Variants in KDM4C observed in about 807,000 individuals in gnomAD.
KDM4C encodes lysine demethylase 4C.
KDM4C carries 81 observed loss-of-function variants against 129.3 expected under a neutral mutation model. That is an observed-to-expected ratio of 0.63 (90% CI 0.52 to 0.75). The LOEUF (loss-of-function observed/expected upper bound fraction) is 0.75, where lower values mean the gene tolerates loss of function less well. Among genes scored for constraint, KDM4C ranks in the 30% least tolerant of loss-of-function variants. KDM4C has a pLI of 0.00. For missense variants in KDM4C, 1,457 were observed against 1,304.0 expected, an observed-to-expected ratio of 1.12 and a Z score of -1.81; for synonymous variants, 573 against 456.1, an observed-to-expected ratio of 1.26 and a Z score of -3.26.
intron 1 of KDM4C, among the ~76,000 whole-genome samples, chr9:6,752,368 A>G (rs1251412421): frequency 4.4e-4 from 59 of 135,596 alleles, no homozygotes; most frequent in African/African-American, 1.5e-3. Context: ...AAAATTAAGG[A>G]GGAACAGGTA....
intron 6 of KDM4C, among the ~76,000 whole-genome samples, chr9:6,882,772 T>TTGTGTGTGTGTGTGTG (rs3072026): frequency 2.0e-5 from 3 of 149,642 alleles, no homozygotes; most frequent in Non-Finnish European, 3.0e-5. Flanking sequence ...TTTTAAGCAT[T>TTGTGTGTGTGTGTGTG]TGTGTGTGTG....
chr9:6,930,714 CTAT>C (rs61227648), intron 8 of KDM4C, among the ~76,000 whole-genome samples: 37,927 of 147,412 alleles, frequency 0.26, 5,267 homozygotes, highest in South Asian at 0.39. Flanking sequence ...TATGATTATA[CTAT>C]TATTATAATA....
chr9:7,092,699 C>G (rs1675301430), intron 17 of KDM4C, among the ~76,000 whole-genome samples: 1 of 152,238 alleles, frequency 6.6e-6, no homozygotes, highest in South Asian at 2.1e-4. Flanking sequence ...CCAGGATGGA[C>G]TGGGTAATCT....
intron 4 of KDM4C, chr9:6,834,967 C>A: frequency 1.0e-6 from 1 of 1,001,274 alleles, no homozygotes. Flanking sequence ...GATATGCCCT[C>A]CCCCACACCA....
chr9:7,048,419 G>C (rs1284168765), intron 16 of KDM4C, among the ~76,000 whole-genome samples: 1 of 151,978 alleles, frequency 6.6e-6, no homozygotes, highest in Non-Finnish European at 1.5e-5. Context: ...CAAACCTCAT[G>C]ATTCTTTATA....
chr9:6,792,340 C>CA (rs905175987), intron 1 of KDM4C, among the ~76,000 whole-genome samples: 17 of 149,774 alleles, frequency 1.1e-4, no homozygotes, highest in South Asian at 2.1e-4. Flanking sequence ...GAGACTGTCT[C>CA]AAAAAAAAAA....
intron 1 of KDM4C, among the ~76,000 whole-genome samples, chr9:6,773,970 C>G (rs1290672661): frequency 6.6e-6 from 1 of 151,948 alleles, no homozygotes; most frequent in Admixed American, 6.6e-5. Context: ...TCACTGCAAA[C>G]TCCGCCTCCC....
At chr9:6,778,725 C>G (rs1823641152) in intron 1 of KDM4C, among the ~76,000 whole-genome samples, 1 of 151,834 alleles carries the variant, frequency 6.6e-6, no homozygotes, top group African/African-American at 2.4e-5. Flanking sequence ...TGGGATCATG[C>G]CACTACACTC....
In KDM4C at chr9:6,758,316, G is replaced by A; in HGVS notation, c.-18+113G>A. 1 of 580,308 alleles carries A rather than the reference G, an allele frequency of 1.7e-6. No homozygotes were observed. The highest frequency in any genetic ancestry group is 2.2e-6 in the Non-Finnish European group (1 of 459,756). 35.9% of individuals were successfully genotyped at this position (580,308 alleles called of 1,614,324 possible). ...GGGGGTGCGGGCGTCCGGGCGAGCG[G>A]CGACGCTGGGGCAGAGACGCTCCGT... On this transcript the variant is annotated intron_variant, in intron 1 of 21. Coordinates refer to ENST00000381309, the MANE Select transcript of KDM4C (RefSeq NM_015061.6). This position sits in a 1 kb window ranked among gnomAD's most constrained non-coding sequence, Gnocchi z 4.6.
At chr9:6,896,304 T>C (rs1397651358) in intron 8 of KDM4C, among the ~76,000 whole-genome samples, 1 of 152,202 alleles carries the variant, frequency 6.6e-6, no homozygotes, top group African/African-American at 2.4e-5. Flanking sequence ...TTTTTCATAA[T>C]GAGGCATTGG....
chr9:7,120,069 C>G (rs148581017), intron 18 of KDM4C, among the ~76,000 whole-genome samples: 1 of 152,262 alleles, frequency 6.6e-6, no homozygotes, highest in African/African-American at 2.4e-5. Context: ...TCTAGTATTG[C>G]TCTTCCTCGT....
At chr9:7,126,737 T>A (rs1358564887) in intron 18 of KDM4C, among the ~76,000 whole-genome samples, 1 of 151,822 alleles carries the variant, frequency 6.6e-6, no homozygotes, top group East Asian at 1.9e-4. Flanking sequence ...TGTATCTGAG[T>A]TTCTAATGTC....
rs563082241 is a variant in KDM4C at position 6,769,809 on chromosome 9, T to C, written c.-18+11606T>C. ...TTGCTGTTTAACAACAAAGAAAAAT[T>C]ATGAATTAGACAAAATGTAGTCTAG... On this transcript the variant is annotated intron_variant, in intron 1 of 21. Coordinates refer to ENST00000381309, the MANE Select transcript of KDM4C (RefSeq NM_015061.6). 3.1e-3 allele frequency among the ~76,000 whole-genome samples: 469 copies of C among 152,274 alleles called. 3 individuals carry two copies. Among genetic ancestry groups the C allele is most frequent in the African/African-American group, 0.011 (450 of 41,552 alleles).
At chr9:7,136,944 C>T (rs541736711) in intron 19 of KDM4C, among the ~76,000 whole-genome samples, 29 of 152,164 alleles carry the variant, frequency 1.9e-4, no homozygotes, top group Non-Finnish European at 3.1e-4. Flanking sequence ...CAAGCAGCTC[C>T]AGGGAAAACT....
chr9:6,773,610 A>C (rs1258410385), intron 1 of KDM4C, among the ~76,000 whole-genome samples: 1 of 152,074 alleles, frequency 6.6e-6, no homozygotes, highest in African/African-American at 2.4e-5. Context: ...GTTTCGACTA[A>C]AAATACAAAA....
intron 1 of KDM4C, among the ~76,000 whole-genome samples, chr9:6,761,159 A>T (rs573038317): frequency 6.6e-6 from 1 of 151,428 alleles, no homozygotes; most frequent in East Asian, 1.9e-4. Flanking sequence ...ACAGGCACCC[A>T]CCATCATGCT....
At chr9:7,135,282 G>A (rs1334832544) in intron 19 of KDM4C, among the ~76,000 whole-genome samples, 1 of 152,120 alleles carries the variant, frequency 6.6e-6, no homozygotes, top group Admixed American at 6.5e-5. Flanking sequence ...TCACTTGAGG[G>A]TATTTCTCTT....
chr9:6,766,904 C>A (rs531391758), intron 1 of KDM4C, among the ~76,000 whole-genome samples: 1 of 151,988 alleles, frequency 6.6e-6, no homozygotes, highest in Admixed American at 6.6e-5. Context: ...TCATTTGGCT[C>A]CCTTTTTACC....
At chr9:7,058,255 G>T (rs556830106) in intron 17 of KDM4C, among the ~76,000 whole-genome samples, 12 of 112,332 alleles carry the variant, frequency 1.1e-4, no homozygotes, top group African/African-American at 4.0e-4. Context: ...CTCAAAATGT[G>T]ATCAGCATAC....
Sources: allele counts gnomAD v4.1 joint callset (sites outside exome capture counted in the v4.1 genomes callset), GRCh38; gene constraint gnomAD v4.1.1; non-coding constraint Gnocchi (gnomAD v3.1); transcripts MANE v1.5; gene names NCBI Gene and HGNC (gene_info 2026-07-23, HGNC 2026-07-21).